The following IFT122 variants were observed in gnomAD, a reference collection of about 807,000 sequenced individuals.
IFT122 encodes intraflagellar transport protein 122 homolog.
Under a neutral mutation model 161.6 loss-of-function variants are expected in IFT122, and 118 were observed. The ratio of observed to expected loss-of-function variants is 0.73; its 90% CI spans 0.63 to 0.85. The LOEUF is 0.85. Ranked by LOEUF, IFT122 falls within the 40% of genes least tolerant of loss-of-function variation. The probability of loss-of-function intolerance (pLI) is 0.00; values close to 1 mark genes in which losing one functional copy is unlikely to be tolerated. For missense variants in IFT122, 1,381 were observed against 1,579.6 expected (o/e 0.87, Z 2.13); for synonymous variants, 550 against 602.4 (o/e 0.91, Z 1.27).
intron 25 of IFT122, chr3:129,514,801 C>T: frequency 3.4e-6 from 2 of 594,942 alleles, no homozygotes; most frequent in East Asian, 2.9e-5. Flanking sequence ...GCCTGGCCTC[C>T]CTTGCTCCTT....
chr3:129,490,064 T>A (rs1243465068), intron 16 of IFT122, among the ~76,000 whole-genome samples: 1 of 152,178 alleles, frequency 6.6e-6, no homozygotes, highest in Non-Finnish European at 1.5e-5. Context: ...GGACTCACTG[T>A]GTTGCCCAGG....
Position 129,476,746 on chromosome 3 carries a change from C to T in IFT122, c.1092C>T (p.Ala364=), listed in dbSNP as rs71333615. The change falls in exon 11 of 30, where the codon GCC becomes GCT. Residue 364 remains alanine (A), a synonymous_variant. Transcript: ENST00000348417. ...TVHGLYKDRY[A]YRDSMTDVIV... ...ATGGGCTTTACAAGGACCGCTATGC[C>T]TACAGGGATAGCATGACTGACGTCA... 9.3e-6 allele frequency: 15 copies of T among 1,614,184 alleles called. No homozygotes were observed. The highest frequency in any genetic ancestry group is 1.0e-5 in the Non-Finnish European group (12 of 1,180,042).
chr3:129,503,841 G>A (rs528494472), intron 20 of IFT122: 85 of 230,698 alleles, frequency 3.7e-4, no homozygotes, highest in African/African-American at 1.3e-3. Context: ...GCTCATGTCC[G>A]GTTCTCCTGG....
chr3:129,476,207 T>C, intron 9 of IFT122, 108 bp from the exon 10 acceptor site: 1 of 1,225,248 alleles, frequency 8.2e-7, no homozygotes, highest in East Asian at 2.5e-5. Flanking sequence ...CAGCTCTCCC[T>C]GTCTTCCCAA....
chr3:129,516,594 GCACA>G (rs2083735743), intron 26 of IFT122, among the ~76,000 whole-genome samples: 1 of 79,660 alleles, frequency 1.3e-5, no homozygotes, highest in Admixed American at 1.4e-4. Flanking sequence ...GACTGCCCCT[GCACA>G]CACACAGAGA....
chr3:129,461,183 C>G, intron 4 of IFT122, 45 bp from the exon 5 acceptor site: 1 of 1,467,134 alleles, frequency 6.8e-7, no homozygotes, highest in Middle Eastern at 1.7e-4. Flanking sequence ...CCACTGAAAT[C>G]TTTGTGGTTT....
chr3:129,471,984 G>A (rs902110325), intron 9 of IFT122, among the ~76,000 whole-genome samples: 4 of 151,990 alleles, frequency 2.6e-5, no homozygotes, highest in Non-Finnish European at 4.4e-5. Context: ...TTACATGTAC[G>A]AAAATTGAAG....
chr3:129,517,268 G>GCACGCACACACA (rs1553776446), intron 26 of IFT122, among the ~76,000 whole-genome samples: 3 of 117,004 alleles, frequency 2.6e-5, no homozygotes, highest in African/African-American at 9.7e-5. Context: ...CATTGCTCCT[G>GCACGCACACACA]CACACACACA....
At position 129,481,590 on chromosome 3, in the gene IFT122, G is replaced by A. The variant is rs563205920; in HGVS notation, c.1549G>A (p.Val517Met). The A allele has an allele frequency of 1.9e-6, 3 of 1,588,452 alleles. No homozygotes were observed. Among genetic ancestry groups the A allele is most frequent in the Admixed American group, 1.7e-5 (1 of 59,968 alleles). Residue 517 changes from valine to methionine, a missense_variant, in exon 14 of 30, where the codon GTG becomes ATG. This residue lies in a region of IFT122 where 544 missense variants were observed against 648.0 expected (regional missense o/e 0.84). Transcript: ENST00000348417. ...CGTCCTGCTGAAGCAGGCCACAGCT[G>A]TGCGCTGCTTGGACATGAGTGCCTC... ...AIVLLKQATAVRCLDMSASRK... is the reference protein window; with the variant it reads ...AIVLLKQATAMRCLDMSASRK...
At chr3:129,460,785 T>G (rs1212317382) in intron 4 of IFT122, 1 of 1,260,822 alleles carries the variant, frequency 7.9e-7, no homozygotes, top group Non-Finnish European at 1.2e-6. Context: ...TAAAACGGGT[T>G]GAGACGCCTT....
rs57127731 is a variant in IFT122, at chr3:129,449,595, C to A, written c.42-276C>A. Among the ~76,000 whole-genome samples, 384 of 152,264 alleles carry A rather than the reference C, an allele frequency of 2.5e-3. 2 individuals carry two copies. The highest frequency in any genetic ancestry group is 8.6e-3 in the African/African-American group (359 of 41,544). On this transcript the variant is annotated intron_variant, in intron 1 of 29. Transcript: ENST00000348417. Reference sequence around the variant, plus strand: ...TATGATATTATTAGAAGAGTTAATACCCTCAACAGTTGACCCTTTGAATAA... The same window carrying A: ...TATGATATTATTAGAAGAGTTAATAACCTCAACAGTTGACCCTTTGAATAA...
chr3:129,449,337 A>AC (rs1385006222), intron 1 of IFT122, among the ~76,000 whole-genome samples: 1 of 152,196 alleles, frequency 6.6e-6, no homozygotes, highest in African/African-American at 2.4e-5. Context: ...ATAAGACACA[A>AC]CCTTAGAGGT....
chr3:129,510,206 A>G (rs553556061), intron 23 of IFT122, among the ~76,000 whole-genome samples: 19 of 152,324 alleles, frequency 1.2e-4, no homozygotes, highest in African/African-American at 4.6e-4. Flanking sequence ...GATTACAGGC[A>G]TGAGCCACCA....
At chr3:129,464,520 C>T in intron 6 of IFT122, 115 bp from the exon 7 acceptor site, 1 of 1,200,744 alleles carries the variant, frequency 8.3e-7, no homozygotes, top group Non-Finnish European at 1.2e-6. Flanking sequence ...AACCATATCC[C>T]AGCTGTTGCT....
At chr3:129,454,407 A>G (rs1322533323) in intron 3 of IFT122, among the ~76,000 whole-genome samples, 1 of 151,942 alleles carries the variant, frequency 6.6e-6, no homozygotes, top group Non-Finnish European at 1.5e-5. Flanking sequence ...AAAAAAAAAA[A>G]AAAAGACAAG....
chr3:129,462,840 G>C (rs1337156216), intron 5 of IFT122, among the ~76,000 whole-genome samples: 8 of 152,202 alleles, frequency 5.3e-5, no homozygotes, highest in Non-Finnish European at 7.3e-5. Flanking sequence ...AGCCTTAGGT[G>C]ACCAGTGTGC....
At position 129,488,324 on chromosome 3, in the gene IFT122, G is replaced by T; in HGVS notation, c.1919G>T (p.Gly640Val). The T allele has an allele frequency of 6.2e-7, 1 of 1,614,196 alleles. No homozygotes were observed. The highest frequency in any genetic ancestry group is 8.5e-7 in the Non-Finnish European group (1 of 1,180,018). Residue 640 changes from glycine (G) to valine (V), a missense_variant, in exon 16 of 30, where the codon GGT becomes GTT. This residue lies in a region of IFT122 where 544 missense variants were observed against 648.0 expected (regional missense o/e 0.84). Coordinates refer to ENST00000348417, the MANE Select transcript of IFT122 (RefSeq NM_052989.3). ...FKEAYQIACL[G>V]VTDTDWRELA... ...GAAGCCTACCAGATTGCTTGCTTGG[G>T]TGTCACAGACACTGATTGGCGTGAA...
intron 23 of IFT122, among the ~76,000 whole-genome samples, chr3:129,509,945 G>A (rs1056094112): frequency 3.9e-5 from 6 of 152,172 alleles, no homozygotes; most frequent in South Asian, 2.1e-4. Context: ...AGGATTAGAC[G>A]AGTTAATATT....
chr3:129,503,455 G>A lies in IFT122; in HGVS notation c.2547+573G>A, dbSNP rs534581151. On this transcript the variant is annotated intron_variant, in intron 20 of 29. Transcript: ENST00000348417. ...GGTGGCCAGCCTCAGGCTGGCAGAA[G>A]CAGCTGATGCTGCCCCTTCTATGGC... 3.3e-5 allele frequency among the ~76,000 whole-genome samples: 5 copies of A among 152,246 alleles called. No homozygotes were observed. In the South Asian group the frequency reaches 1.0e-3, roughly 32 times the overall value.
Sources: gnomAD v4.1 joint callset for allele counts (sites outside exome capture counted in the v4.1 genomes callset) on GRCh38, gnomAD v4.1.1 for gene constraint, gnomAD v4.1.1 regional missense constraint, MANE v1.5 for transcripts, NCBI Gene and HGNC (gene_info 2026-07-23, HGNC 2026-07-21) for gene names.